PAIP1: variants seen among roughly 807,000 people sequenced by gnomAD.
PAIP1 encodes polyadenylate-binding protein-interacting protein 1.
PAIP1 carries 16 observed loss-of-function variants against 61.3 expected under a neutral mutation model. The ratio of observed to expected loss-of-function variants is 0.26; its 90% CI spans 0.18 to 0.40. The LOEUF (loss-of-function observed/expected upper bound fraction) is 0.40. Ranked by LOEUF, PAIP1 falls within the 10% of genes least tolerant of loss-of-function variation. The pLI is 1.00. For missense variants in PAIP1, 416 were observed against 600.9 expected (o/e 0.69, Z 3.22); for synonymous variants, 187 against 226.2 (o/e 0.83, Z 1.56).
intron 1 of PAIP1, 136 bp from the exon 2 acceptor site, chr5:43,556,135 G>A: frequency 1.4e-6 from 2 of 1,436,530 alleles, no homozygotes; most frequent in Non-Finnish European, 1.8e-6. Context: ...TATGGTTATC[G>A]CCGGAATGTG....
intron 9 of PAIP1, among the ~76,000 whole-genome samples, chr5:43,530,748 C>T (rs1746899405): frequency 6.6e-6 from 1 of 151,946 alleles, no homozygotes; most frequent in Non-Finnish European, 1.5e-5. Context: ...GATAAGTTCA[C>T]AAAAAAGAAA....
intron 10 of PAIP1, among the ~76,000 whole-genome samples, chr5:43,527,739 A>C (rs1746761576): frequency 1.3e-5 from 2 of 152,170 alleles, no homozygotes; most frequent in African/African-American, 2.4e-5. Context: ...TATAACCTGA[A>C]AGTTAATCAA....
At chr5:43,528,327 C>T (rs951218814) in intron 10 of PAIP1, among the ~76,000 whole-genome samples, 1 of 152,122 alleles carries the variant, frequency 6.6e-6, no homozygotes, top group Admixed American at 6.5e-5. Context: ...CCCACCCCTC[C>T]AATAATCCAA....
chr5:43,541,126 CATT>C (rs563202116), intron 4 of PAIP1, among the ~76,000 whole-genome samples: 51 of 144,840 alleles, frequency 3.5e-4, no homozygotes, highest in Admixed American at 1.6e-3. Context: ...CAAGTATTTT[CATT>C]ATTATTATTA....
chr5:43,544,146 TAAAAAAAAAA>T (rs568177939), intron 3 of PAIP1, among the ~76,000 whole-genome samples: 1 of 72,686 alleles, frequency 1.4e-5, no homozygotes, highest in Non-Finnish European at 2.6e-5. Flanking sequence ...CCCATCTTTT[TAAAAAAAAAA>T]AAAAAAAAAA....
intron 5 of PAIP1, among the ~76,000 whole-genome samples, chr5:43,537,729 C>A (rs1208077349): frequency 6.6e-6 from 1 of 152,102 alleles, no homozygotes; most frequent in Non-Finnish European, 1.5e-5. Flanking sequence ...GGCATGGTGG[C>A]TCATGCCTGT....
chr5:43,537,532 A>G (rs1747202036), intron 5 of PAIP1, among the ~76,000 whole-genome samples: 1 of 152,222 alleles, frequency 6.6e-6, no homozygotes, highest in Non-Finnish European at 1.5e-5. Context: ...AGGCATAGTA[A>G]GTTAGGCTCT....
intron 4 of PAIP1, among the ~76,000 whole-genome samples, chr5:43,541,596 A>G (rs565278346): frequency 1.3e-5 from 2 of 150,588 alleles, no homozygotes; most frequent in Admixed American, 1.3e-4. Context: ...TGAATTTTCA[A>G]GGGTCTCTGG....
At chr5:43,548,020 A>G in intron 2 of PAIP1, 107 bp from the exon 3 acceptor site, 1 of 633,606 alleles carries the variant, frequency 1.6e-6, no homozygotes. Context: ...CTCACATGAT[A>G]AAAATTTATG....
chr5:43,556,092 T>A, intron 1 of PAIP1, 93 bp from the exon 2 acceptor site: 1 of 1,490,264 alleles, frequency 6.7e-7, no homozygotes, highest in Non-Finnish European at 9.0e-7. Context: ...AAGCGTCTGT[T>A]TTTAAGAGTT....
intron 2 of PAIP1, among the ~76,000 whole-genome samples, chr5:43,549,369 T>G (rs548924762): frequency 2.6e-5 from 4 of 152,342 alleles, no homozygotes; most frequent in Non-Finnish European, 5.9e-5. Context: ...TCCCATGTGT[T>G]GTGGGAGGGA....
chr5:43,531,094 G>T (rs1440507147), intron 9 of PAIP1, among the ~76,000 whole-genome samples: 1 of 152,082 alleles, frequency 6.6e-6, no homozygotes, highest in Admixed American at 6.5e-5. Flanking sequence ...GTCTGCCTGG[G>T]TTTGGAATAG....
At chr5:43,530,213 A>G (rs1039909398) in intron 9 of PAIP1, among the ~76,000 whole-genome samples, 1 of 152,264 alleles carries the variant, frequency 6.6e-6, no homozygotes, top group African/African-American at 2.4e-5. Flanking sequence ...TCCACAAGGA[A>G]GTAAAGAAAG....
At chr5:43,547,506 T>G (rs1225523863) in intron 3 of PAIP1, among the ~76,000 whole-genome samples, 2 of 152,190 alleles carry the variant, frequency 1.3e-5, no homozygotes, top group Admixed American at 1.3e-4. Context: ...TTACCTATAT[T>G]GAATCTTGAC....
At chr5:43,527,849 T>C (rs1267669919) in intron 10 of PAIP1, among the ~76,000 whole-genome samples, 1 of 152,210 alleles carries the variant, frequency 6.6e-6, no homozygotes, top group Non-Finnish European at 1.5e-5. Flanking sequence ...TAATTTCAAA[T>C]ATGCCATTCA....
intron 1 of PAIP1, 191 bp from the exon 2 acceptor site, chr5:43,556,190 G>A: frequency 1.5e-6 from 2 of 1,370,366 alleles, no homozygotes; most frequent in Non-Finnish European, 1.9e-6. Flanking sequence ...CTGTGACTCC[G>A]TTATGGGCAT....
At chr5:43,540,649 T>C (rs1270937047) in intron 4 of PAIP1, among the ~76,000 whole-genome samples, 1 of 152,252 alleles carries the variant, frequency 6.6e-6, no homozygotes. Flanking sequence ...AGTATGTATA[T>C]ATTTTTTAAA....
intron 4 of PAIP1, among the ~76,000 whole-genome samples, chr5:43,542,580 T>C (rs1204859609): frequency 6.6e-6 from 1 of 150,454 alleles, no homozygotes; most frequent in Non-Finnish European, 1.5e-5. Flanking sequence ...ATGAATTGTA[T>C]GGTAATAAAA....
chr5:43,557,394 A>T (rs964188280), upstream of PAIP1: 5 of 152,676 alleles, frequency 3.3e-5, no homozygotes, highest in East Asian at 9.7e-4. Context: ...CGAGACCGAC[A>T]GTTGACGCCC....
Sources: gnomAD v4.1 joint callset for allele counts (sites outside exome capture counted in the v4.1 genomes callset) on GRCh38, gnomAD v4.1.1 for gene constraint, MANE v1.5 for transcripts, NCBI Gene and HGNC (gene_info 2026-07-23, HGNC 2026-07-21) for gene names.